Variants in SRD5A3 observed in about 807,000 individuals in gnomAD.
SRD5A3 encodes steroid 5 alpha-reductase 3.
SRD5A3 carries 24 observed loss-of-function variants against 34.3 expected under a neutral mutation model. The ratio of observed to expected loss-of-function variants is 0.70; its 90% CI spans 0.51 to 0.99. The LOEUF (loss-of-function observed/expected upper bound fraction) is 0.99, where lower values mean the gene tolerates loss of function less well. Ranked by LOEUF, SRD5A3 falls within the 50% of genes least tolerant of loss-of-function variation. The probability of loss-of-function intolerance (pLI) is 0.00; values close to 1 mark genes in which losing one functional copy is unlikely to be tolerated. For synonymous variants in SRD5A3, 161 were observed against 167.3 expected (o/e 0.96, Z 0.29); for missense variants, 350 against 388.2 (o/e 0.90, Z 0.83).
intron 1 of SRD5A3, among the ~76,000 whole-genome samples, chr4:55,354,906 A>G (rs1719388013): frequency 6.6e-6 from 1 of 152,256 alleles, no homozygotes; most frequent in South Asian, 2.1e-4. Context: ...CAGAGCCTGG[A>G]GCAGCTGTGA....
rs758761366 is a variant in SRD5A3, at chr4:55,369,781, C to G, written c.698-51C>G. 1.8e-5 allele frequency: 29 copies of G among 1,594,740 alleles called. 1 individual carries two copies. The highest frequency in any genetic ancestry group is 1.7e-4 in the Middle Eastern group (1 of 5,848). ...ATGATTTGCGAGTGAAGTGGTGAAA[C>G]TTTCTTTTCAAACCTTTAAATGCTT... On this transcript the variant is annotated intron_variant, in intron 4 of 4. Transcript: ENST00000264228.
intron 3 of SRD5A3, 115 bp from the exon 4 acceptor site, chr4:55,367,473 G>A: frequency 1.6e-6 from 2 of 1,220,070 alleles, no homozygotes; most frequent in South Asian, 2.5e-5. Context: ...AATTATATTA[G>A]GATATTGAGG....
Position 55,364,160 on chromosome 4 carries a change from A to T in SRD5A3, c.451A>T (p.Ser151Cys). 6.2e-7 allele frequency: 1 copy of T among 1,614,146 alleles called. No individual in the cohort carries two copies. The highest frequency in any genetic ancestry group is 8.5e-7 in the Non-Finnish European group (1 of 1,180,030). The change falls in exon 3 of 5, where the codon AGT becomes TGT. Residue 151 changes from serine (S) to cysteine (C), a missense_variant. Transcript: ENST00000264228. ...LRRLFECLYV[S>C]VFSNVMIHVV... ...AAGACTCTTCGAGTGCCTCTACGTC[A>T]GTGTCTTCTCCAATGTCATGATTCA...
Position 55,346,520 on chromosome 4 carries a change from C to G in SRD5A3, c.184C>G (p.Arg62Gly), listed in dbSNP as rs780227191. 6.3e-7 allele frequency: 1 copy of G among 1,597,572 alleles called. No individual in the cohort carries two copies. Residue 62 changes from arginine (R) to glycine (G), a missense_variant, in exon 1 of 5, where the codon CGC becomes GGC. Transcript: ENST00000264228. ...GAAAACCAAGTGTGGGGAGCCGTCG[C>G]GCCCCGCCGCCTGCCGAGCCTTTGA... is the stretch of plus-strand genomic sequence containing the variant. ...YGKTKCGEPS[R>G]PAACRAFDVP...
intron 1 of SRD5A3, chr4:55,351,664 A>T (rs1390909759): frequency 3.7e-6 from 1 of 271,094 alleles, no homozygotes; most frequent in Non-Finnish European, 7.2e-6. Context: ...TCTCAAAAAA[A>T]AAAAGGGGTG....
In SRD5A3 at chr4:55,370,230, T is replaced by C; in HGVS notation, c.*139T>C. The C allele has an allele frequency of 8.9e-7, 1 of 1,120,682 alleles. No homozygotes were observed. The highest frequency in any genetic ancestry group is 2.4e-5 in the East Asian group (1 of 42,418). The allele number at this position is 1,120,682 out of a possible 1,614,324, so 69.4% of individuals were successfully genotyped here. On this transcript the variant is annotated 3_prime_UTR_variant, in exon 5 of 5. Coordinates refer to ENST00000264228, the MANE Select transcript of SRD5A3 (RefSeq NM_024592.5). ...ATTTCTATACCCCACAAGTTTTCAC[T>C]GAATGAGCATGGCAGTGCCACTCAA...
chr4:55,354,812 G>A (rs1034988796), intron 1 of SRD5A3, among the ~76,000 whole-genome samples: 3 of 152,240 alleles, frequency 2.0e-5, no homozygotes, highest in African/African-American at 7.2e-5. Flanking sequence ...TTTACTGTGT[G>A]TGTGTGCGCG....
chr4:55,363,105 C>T (rs1719746130), intron 2 of SRD5A3, among the ~76,000 whole-genome samples: 1 of 151,892 alleles, frequency 6.6e-6, no homozygotes, highest in Non-Finnish European at 1.5e-5. Flanking sequence ...CCTCCAACTC[C>T]CAAAGTGGTA....
intron 1 of SRD5A3, among the ~76,000 whole-genome samples, chr4:55,353,779 C>T (rs187653536): frequency 7.9e-5 from 12 of 152,238 alleles, no homozygotes; most frequent in Admixed American, 3.3e-4. Context: ...TGAAGTCAAG[C>T]GCAACACAAA....
Position 55,372,026 on chromosome 4 carries a change from C to T in SRD5A3, c.*1935C>T, listed in dbSNP as rs886059476. On this transcript the variant is annotated 3_prime_UTR_variant, in exon 5 of 5. Transcript: ENST00000264228. ...ATTTTCTCTCCCATCAACCAAACAC[C>T]ACTTAAGATTAACCTGTGGCTCAGT... 2 of 152,148 alleles carry T rather than the reference C, an allele frequency of 1.3e-5. No individual in the cohort carries two copies. The highest frequency in any genetic ancestry group is 2.9e-5 in the Non-Finnish European group (2 of 68,020). The allele number at this position is 152,148 out of a possible 1,614,324, so 9.4% of individuals were successfully genotyped here.
At chr4:55,350,289 G>C (rs1282110272) in intron 1 of SRD5A3, among the ~76,000 whole-genome samples, 5 of 152,216 alleles carry the variant, frequency 3.3e-5, no homozygotes, top group South Asian at 2.1e-4. Flanking sequence ...AGAATAGCTT[G>C]AACCTGGGAG....
chr4:55,365,672 A>G (rs922583483), intron 3 of SRD5A3: 6 of 152,190 alleles, frequency 3.9e-5, no homozygotes, highest in African/African-American at 1.4e-4. Flanking sequence ...CTGCGTAGAT[A>G]GTCAAGGAAG....
In SRD5A3 at chr4:55,356,000, A is replaced by ATTTTTTT. The variant is rs10648522; in HGVS notation, c.222-3326_222-3320dup. Among the ~76,000 whole-genome samples, 97 of 74,294 alleles carry ATTTTTTT rather than the reference A, an allele frequency of 1.3e-3. 6 individuals carry two copies. The highest frequency in any genetic ancestry group is 4.7e-3 in the African/African-American group (87 of 18,426). The allele number at this position is 74,294 out of a possible 152,430, so 48.7% of individuals were successfully genotyped here. A position where few individuals can be genotyped will look rare whatever the true frequency, so the allele number is the denominator to read the frequency against. On this transcript the variant is annotated intron_variant, in intron 1 of 4. Coordinates refer to ENST00000264228, the MANE Select transcript of SRD5A3 (RefSeq NM_024592.5). ...ATGACCAATGCTTTCTTTTGCCTCC[A>ATTTTTTT]TTTTTTTTTTTTTTTTTTTTTTTTT...
chr4:55,349,027 G>T (rs192111721), intron 1 of SRD5A3, among the ~76,000 whole-genome samples: 33 of 152,226 alleles, frequency 2.2e-4, no homozygotes, highest in Non-Finnish European at 1.3e-4. Flanking sequence ...GCAAAATCTA[G>T]TAGTACTCTT....
chr4:55,372,540 T>C lies in SRD5A3; in HGVS notation c.*2449T>C, dbSNP rs1720165267. ...TGAAAGCGTCACCGATGGGAAATAA[T>C]TGAGAATTGTGCAGTGCTTGCAGCG... On this transcript the variant is annotated 3_prime_UTR_variant, in exon 5 of 5. Coordinates refer to ENST00000264228, the MANE Select transcript of SRD5A3 (RefSeq NM_024592.5). 1 of 152,122 alleles carries C rather than the reference T, an allele frequency of 6.6e-6. No homozygotes were observed. The highest frequency in any genetic ancestry group is 2.4e-5 in the African/African-American group (1 of 41,408). 9.4% of individuals were successfully genotyped at this position (152,122 alleles called of 1,614,324 possible).
chr4:55,363,350 C>G (rs1297093782), intron 2 of SRD5A3, among the ~76,000 whole-genome samples: 1 of 152,126 alleles, frequency 6.6e-6, no homozygotes, highest in Non-Finnish European at 1.5e-5. Context: ...CAGAGGATCA[C>G]TTGAGCTCAG....
intron 1 of SRD5A3, among the ~76,000 whole-genome samples, chr4:55,350,140 C>T (rs1168953372): frequency 2.0e-5 from 3 of 151,984 alleles, no homozygotes; most frequent in Non-Finnish European, 2.9e-5. Context: ...GAGGCTGAGG[C>T]GGGTGGATCA....
intron 1 of SRD5A3, among the ~76,000 whole-genome samples, chr4:55,351,174 G>T (rs111336389): frequency 0.031 from 4,747 of 151,580 alleles, 118 homozygotes; most frequent in Non-Finnish European, 0.044. Flanking sequence ...CCGGGTTCAA[G>T]CGATTCTCCT....
chr4:55,355,288 C>T (rs1719409446), intron 1 of SRD5A3, among the ~76,000 whole-genome samples: 1 of 151,998 alleles, frequency 6.6e-6, no homozygotes, highest in Non-Finnish European at 1.5e-5. Flanking sequence ...GAAACCCCGT[C>T]TCTACTAAAA....
Sources: allele counts gnomAD v4.1 joint callset (sites outside exome capture counted in the v4.1 genomes callset), GRCh38; gene constraint gnomAD v4.1.1; transcripts MANE v1.5; gene names NCBI Gene and HGNC (gene_info 2026-07-23, HGNC 2026-07-21).